The following AKT3 variants were observed in gnomAD, a reference collection of about 807,000 sequenced individuals.
AKT3 encodes the protein RAC-gamma serine/threonine-protein kinase.
In AKT3, 15 loss-of-function variants were observed where a neutral mutation model predicts 65.3. That is an observed-to-expected ratio of 0.23 (90% confidence interval 0.15 to 0.35). AKT3 has a LOEUF of 0.35. Ranked by LOEUF, AKT3 falls within the 10% of genes least tolerant of loss-of-function variation. The pLI is 1.00. For missense variants in AKT3, 243 were observed against 576.5 expected (o/e 0.42, Z 5.92); for synonymous variants, 206 against 183.8 (o/e 1.12, Z -0.98).
At chr1:243,751,419 A>G (rs1688805812) in intron 2 of AKT3, among the ~76,000 whole-genome samples, 1 of 152,274 alleles carries the variant, frequency 6.6e-6, no homozygotes, top group Non-Finnish European at 1.5e-5. Flanking sequence ...TACAAGGAAT[A>G]CAGTTGTATC....
At chr1:243,779,911 A>T (rs569666353) in intron 2 of AKT3, among the ~76,000 whole-genome samples, 2 of 152,246 alleles carry the variant, frequency 1.3e-5, no homozygotes, top group South Asian at 4.1e-4. Flanking sequence ...TTTCAAAATA[A>T]ATGATGATAG....
Position 243,501,132 on chromosome 1 carries a change from G to A in AKT3, c.*4117C>T, listed in dbSNP as rs992692036. 1.7e-5 allele frequency: 4 copies of A among 231,310 alleles called. No individual in the cohort carries two copies. The highest frequency in any genetic ancestry group is 2.6e-5 in the Non-Finnish European group (3 of 116,972). 14.3% of individuals were successfully genotyped at this position (231,310 alleles called of 1,614,324 possible). A position where few individuals can be genotyped will look rare whatever the true frequency, so the allele number is the denominator to read the frequency against. ...TGCTTGACTCACTCTGGTCCCAAAAGCCATTCCTCTGTCTGGCTTCGTCAC... is the reference window on the plus strand; with the variant it reads ...TGCTTGACTCACTCTGGTCCCAAAAACCATTCCTCTGTCTGGCTTCGTCAC... On this transcript the variant is annotated 3_prime_UTR_variant, in exon 14 of 14. Transcript: ENST00000673466.
intron 2 of AKT3, among the ~76,000 whole-genome samples, chr1:243,821,221 C>T (rs1693834228): frequency 6.6e-6 from 1 of 152,060 alleles, no homozygotes; most frequent in Admixed American, 6.6e-5. Flanking sequence ...ATCCTTTTCA[C>T]AAAAGCAAAT....
chr1:243,768,661 T>C (rs539094177), intron 2 of AKT3, among the ~76,000 whole-genome samples: 1 of 151,848 alleles, frequency 6.6e-6, no homozygotes, highest in Admixed American at 6.6e-5. Flanking sequence ...ATGGTGAAAC[T>C]CCATCTCTAC....
At chr1:243,670,427 A>T (rs1683082161) in intron 3 of AKT3, among the ~76,000 whole-genome samples, 1 of 152,336 alleles carries the variant, frequency 6.6e-6, no homozygotes, top group South Asian at 2.1e-4. Flanking sequence ...GCATGTTCGC[A>T]ATAAGGAATC....
intron 7 of AKT3, 88 bp from the exon 8 acceptor site, chr1:243,613,827 G>A (rs1678078240): frequency 1.3e-6 from 1 of 742,710 alleles, no homozygotes; most frequent in Non-Finnish European, 2.0e-6. Flanking sequence ...CATAGAAATA[G>A]TAAGCATGAA....
intron 4 of AKT3, among the ~76,000 whole-genome samples, chr1:243,659,325 C>T (rs990098931): frequency 1.3e-5 from 2 of 152,084 alleles, no homozygotes; most frequent in South Asian, 2.1e-4. Context: ...CAGATGAAAA[C>T]GTTCTAGAGA....
chr1:243,495,859 T>C (rs1464898355), downstream of AKT3, among the ~76,000 whole-genome samples: 2 of 152,202 alleles, frequency 1.3e-5, no homozygotes, highest in Non-Finnish European at 2.9e-5. Flanking sequence ...GATATCAAAC[T>C]GGCTGCCCCT....
chr1:243,501,097 TA>T lies in AKT3; in HGVS notation c.*4151del, dbSNP rs1233774764. On this transcript the variant is annotated 3_prime_UTR_variant, in exon 14 of 14. Transcript: ENST00000673466. ...TGCCCTCAAATTTGGCCGTGTGACATACACATACATGCTTGACTCACTCTGG... is the reference window on the plus strand; with the variant it reads ...TGCCCTCAAATTTGGCCGTGTGACATCACATACATGCTTGACTCACTCTGG... 2 of 231,056 alleles carry T rather than the reference TA, an allele frequency of 8.7e-6. No individual in the cohort carries two copies. Among genetic ancestry groups the T allele is most frequent in the African/African-American group, 4.4e-5 (2 of 45,180 alleles). The allele number at this position is 231,056 out of a possible 1,614,324, so 14.3% of individuals were successfully genotyped here.
intron 2 of AKT3, among the ~76,000 whole-genome samples, chr1:243,824,462 A>C (rs768259705): frequency 6.6e-6 from 1 of 152,200 alleles, no homozygotes; most frequent in Non-Finnish European, 1.5e-5. Context: ...CTATCATCAG[A>C]GTGAACAGAC....
At position 243,793,112 on chromosome 1, in the gene AKT3, T is replaced by A. The variant is rs561976649; in HGVS notation, c.46+50013A>T. On this transcript the variant is annotated intron_variant, in intron 2 of 13. Transcript: ENST00000673466. ...TCTAGTTCAGAGTAGAACAGGAGGC[T>A]AGAGCATGGACTGCCTGAGTCCACT... 4.6e-5 allele frequency: 7 copies of A among 152,348 alleles called. No individual in the cohort carries two copies. In the East Asian group the frequency reaches 1.4e-3, roughly 29 times the overall value. 9.4% of individuals were successfully genotyped at this position (152,348 alleles called of 1,614,324 possible).
intron 1 of AKT3, among the ~76,000 whole-genome samples, chr1:243,848,801 T>C (rs989411664): frequency 2.4e-4 from 36 of 152,258 alleles, no homozygotes; most frequent in Non-Finnish European, 2.6e-4. Context: ...TATAGATGCA[T>C]AGGTTTCACT....
chr1:243,828,912 T>G (rs1694334899), intron 2 of AKT3, among the ~76,000 whole-genome samples: 1 of 152,172 alleles, frequency 6.6e-6, no homozygotes, highest in South Asian at 2.1e-4. Flanking sequence ...GTCAAACTAG[T>G]CACTTTTTTC....
intron 3 of AKT3, among the ~76,000 whole-genome samples, chr1:243,673,479 T>A (rs567646299): frequency 2.6e-5 from 4 of 152,278 alleles, no homozygotes; most frequent in African/African-American, 9.6e-5. Context: ...AAAACTCCAT[T>A]GTACTCATAC....
intron 2 of AKT3, among the ~76,000 whole-genome samples, chr1:243,725,139 G>A (rs376299500): frequency 6.6e-6 from 1 of 151,864 alleles, no homozygotes; most frequent in Admixed American, 6.6e-5. Context: ...TGAGGATGCA[G>A]TGAGCTATGA....
chr1:243,632,103 C>T (rs192078433), intron 6 of AKT3, among the ~76,000 whole-genome samples: 1 of 152,332 alleles, frequency 6.6e-6, no homozygotes, highest in Admixed American at 6.5e-5. Context: ...TTTTTCAAGG[C>T]ATCTAGAATG....
At chr1:243,746,734 CAG>C (rs552165881) in intron 2 of AKT3, among the ~76,000 whole-genome samples, 30 of 152,234 alleles carry the variant, frequency 2.0e-4, no homozygotes, top group African/African-American at 6.0e-4. Context: ...TTATTAGAGA[CAG>C]AGAGAGAACG....
intron 13 of AKT3, among the ~76,000 whole-genome samples, chr1:243,489,304 A>G (rs999555416): frequency 2.0e-5 from 3 of 152,222 alleles, no homozygotes; most frequent in African/African-American, 7.2e-5. Flanking sequence ...GGACCCAGAG[A>G]AGCGGAGCCA....
intron 6 of AKT3, among the ~76,000 whole-genome samples, chr1:243,620,607 A>G (rs1367318437): frequency 6.6e-5 from 10 of 152,028 alleles, no homozygotes; most frequent in Admixed American, 6.6e-4. Context: ...TGAAAACTTG[A>G]GCACTGGCCC....
Sources: gnomAD v4.1 joint callset for allele counts (sites outside exome capture counted in the v4.1 genomes callset) on GRCh38, gnomAD v4.1.1 for gene constraint, MANE v1.5 for transcripts, NCBI Gene and HGNC (gene_info 2026-07-23, HGNC 2026-07-21) for gene names.